MMS19: variants seen among roughly 807,000 people sequenced by gnomAD.
MMS19 encodes MMS19 nucleotide excision repair protein homolog.
MMS19 carries 77 observed loss-of-function variants against 129.8 expected under a neutral mutation model. The observed-to-expected ratio is 0.59, with a 90% CI of 0.49 to 0.72. The LOEUF (loss-of-function observed/expected upper bound fraction) is 0.72, where lower values mean the gene tolerates loss of function less well. MMS19 is among the 30% of genes least tolerant of loss of function. The probability of loss-of-function intolerance (pLI) is 0.00; values close to 1 mark genes in which losing one functional copy is unlikely to be tolerated. For synonymous variants in MMS19, 491 were observed against 502.8 expected (o/e 0.98, Z 0.31); for missense variants, 1,168 against 1,266.3 (o/e 0.92, Z 1.18).
chr10:97,491,386 G>C (rs550317234), intron 1 of MMS19, among the ~76,000 whole-genome samples: 21 of 152,344 alleles, frequency 1.4e-4, no homozygotes, highest in African/African-American at 4.6e-4. Flanking sequence ...TGAGGTAAAG[G>C]CCGGGCGTGG....
chr10:97,490,815 T>C (rs1388859315), intron 1 of MMS19, among the ~76,000 whole-genome samples: 1 of 152,146 alleles, frequency 6.6e-6, no homozygotes, highest in Non-Finnish European at 1.5e-5. Context: ...GGCACCAATT[T>C]AGACATCAGG....
intron 2 of MMS19, among the ~76,000 whole-genome samples, chr10:97,483,430 G>T (rs1164335420): frequency 6.6e-6 from 1 of 152,136 alleles, no homozygotes; most frequent in Non-Finnish European, 1.5e-5. Flanking sequence ...TGTTATGTGG[G>T]AGAAATGTGT....
chr10:97,468,878 G>A, intron 12 of MMS19, 88 bp downstream of exon 12: 3 of 1,403,526 alleles, frequency 2.1e-6, no homozygotes, highest in Non-Finnish European at 1.9e-6. Flanking sequence ...TAAAGTGCAG[G>A]GATTACAGGC....
At chr10:97,490,163 C>T (rs748024143) in intron 1 of MMS19, among the ~76,000 whole-genome samples, 7 of 152,082 alleles carry the variant, frequency 4.6e-5, no homozygotes, top group East Asian at 1.9e-4. Flanking sequence ...ACTGCAGCCT[C>T]GACTTCCCAG....
intron 19 of MMS19, chr10:97,462,960 T>A: frequency 2.9e-6 from 1 of 348,808 alleles, no homozygotes; most frequent in Non-Finnish European, 5.2e-6. Flanking sequence ...ATTCTTAACA[T>A]AAGAAATAGA....
intron 20 of MMS19, among the ~76,000 whole-genome samples, chr10:97,462,348 G>A (rs575351233): frequency 1.8e-4 from 27 of 152,314 alleles, no homozygotes; most frequent in African/African-American, 5.5e-4. Context: ...ATGCTCTACA[G>A]GTAATTCTTA....
At chr10:97,473,441 T>G (rs565916417) in intron 8 of MMS19, among the ~76,000 whole-genome samples, 2 of 151,948 alleles carry the variant, frequency 1.3e-5, no homozygotes, top group Admixed American at 6.6e-5. Flanking sequence ...TCTTCATACA[T>G]TCTCTCAGGA....
At chr10:97,491,935 G>A (rs1033930666) in intron 1 of MMS19, among the ~76,000 whole-genome samples, 13 of 151,430 alleles carry the variant, frequency 8.6e-5, no homozygotes, top group African/African-American at 2.7e-4. Context: ...CAGGTCAGGA[G>A]TTTGAGACCA....
intron 18 of MMS19, among the ~76,000 whole-genome samples, chr10:97,464,315 T>C (rs1045169100): frequency 2.0e-5 from 3 of 152,170 alleles, no homozygotes; most frequent in Non-Finnish European, 4.4e-5. Flanking sequence ...GGAGGCACAA[T>C]GAAATACATG....
At chr10:97,493,516 C>T (rs1286796626) in intron 1 of MMS19, among the ~76,000 whole-genome samples, 1 of 152,136 alleles carries the variant, frequency 6.6e-6, no homozygotes, top group African/African-American at 2.4e-5. Context: ...CGAGGTCACA[C>T]TGCACTCCAG....
At chr10:97,465,365 G>A (rs1242666143) in intron 18 of MMS19, among the ~76,000 whole-genome samples, 3 of 149,412 alleles carry the variant, frequency 2.0e-5, no homozygotes, top group South Asian at 2.1e-4. Context: ...GTACAGTGGC[G>A]CAATCTCAGC....
At chr10:97,495,314 T>A (rs1031479120) in intron 1 of MMS19, among the ~76,000 whole-genome samples, 3 of 152,158 alleles carry the variant, frequency 2.0e-5, no homozygotes, top group African/African-American at 7.2e-5. Flanking sequence ...GTTATTTCCC[T>A]CCCATCGCCT....
At chr10:97,477,046 C>A in intron 6 of MMS19, 83 bp from the exon 7 acceptor site, 1 of 1,583,896 alleles carries the variant, frequency 6.3e-7, no homozygotes, top group South Asian at 1.2e-5. Flanking sequence ...TCTCCCTCTG[C>A]TATCATTGCC....
intron 16 of MMS19, 141 bp from the exon 17 acceptor site, chr10:97,466,300 A>G (rs1044791981): frequency 2.6e-6 from 2 of 780,728 alleles, no homozygotes; most frequent in Non-Finnish European, 4.3e-6. Flanking sequence ...TACACCACTG[A>G]GTTGGACAGG....
intron 20 of MMS19, 30 bp from the exon 21 acceptor site, chr10:97,462,149 G>C (rs930269666): frequency 1.3e-6 from 2 of 1,501,350 alleles, no homozygotes; most frequent in African/African-American, 2.8e-5. Flanking sequence ...TATGACCAAG[G>C]AGCTAGGATT....
intron 1 of MMS19, among the ~76,000 whole-genome samples, chr10:97,486,040 A>T (rs1335989367): frequency 6.6e-6 from 1 of 152,266 alleles, no homozygotes; most frequent in African/African-American, 2.4e-5. Flanking sequence ...TCACTGCAGC[A>T]TTATTCACAG....
intron 2 of MMS19, among the ~76,000 whole-genome samples, chr10:97,482,922 G>A (rs879461331): frequency 4.0e-5 from 6 of 151,522 alleles, no homozygotes; most frequent in Admixed American, 3.9e-4. Flanking sequence ...CACCATGCCC[G>A]GCTAATTTTT....
At chr10:97,496,444 C>T (rs538747833) in intron 1 of MMS19, among the ~76,000 whole-genome samples, 15 of 146,900 alleles carry the variant, frequency 1.0e-4, no homozygotes, top group African/African-American at 3.3e-4. Flanking sequence ...GAGCATAGGT[C>T]GAGGCTACAG....
intron 12 of MMS19, 101 bp downstream of exon 12, chr10:97,468,856 GCCTCGGCCT>G (rs2034093779): frequency 8.5e-7 from 1 of 1,177,356 alleles, no homozygotes; most frequent in East Asian, 2.7e-5. Flanking sequence ...TGATCCACCC[GCCTCGGCCT>G]CCTAAAGTGC....
Sources: gnomAD v4.1 joint callset for allele counts (sites outside exome capture counted in the v4.1 genomes callset) on GRCh38, gnomAD v4.1.1 for gene constraint, MANE v1.5 for transcripts, NCBI Gene and HGNC (gene_info 2026-07-23, HGNC 2026-07-21) for gene names.